Variants in PCDH10 observed in about 807,000 individuals in gnomAD.
The protein encoded by PCDH10 is protocadherin-10.
In PCDH10, 15 loss-of-function variants were observed where a neutral mutation model predicts 74.4. That is an observed-to-expected ratio of 0.20 (90% CI 0.13 to 0.31). The LOEUF is 0.31. PCDH10 is among the 10% of genes least tolerant of loss of function. The pLI, the probability that PCDH10 is intolerant of heterozygous loss-of-function variation, is 1.00. For synonymous variants in PCDH10, 619 were observed against 589.8 expected (o/e 1.05, Z -0.72); for missense variants, 1,260 against 1,390.2 (o/e 0.91, Z 1.49).
chr4:133,167,456 A>G (rs1302083310), intron 4 of PCDH10, among the ~76,000 whole-genome samples: 1 of 151,490 alleles, frequency 6.6e-6, no homozygotes, highest in Non-Finnish European at 1.5e-5. Flanking sequence ...ACCTCTGTAT[A>G]GTGTTTTCTC....
rs529779983 is a variant in PCDH10 at position 133,164,058 on chromosome 4, A to G, written c.3103+776A>G. 5.2e-4 allele frequency: 236 copies of G among 454,926 alleles called. 7 individuals are homozygous for G. Among genetic ancestry groups the G allele is most frequent in the South Asian group, 3.1e-3 (201 of 64,118 alleles). The allele number at this position is 454,926 out of a possible 1,614,324, so 28.2% of individuals were successfully genotyped here. ...AGATGCATACATTGTAGTGACAACA[A>G]TAGGTGGTGTTTTATGAAGGATTGT... On this transcript the variant is annotated intron_variant, in intron 4 of 4. Transcript: ENST00000264360.
At chr4:133,174,232 A>G (rs914906552) in intron 4 of PCDH10, among the ~76,000 whole-genome samples, 4 of 151,978 alleles carry the variant, frequency 2.6e-5, no homozygotes, top group Non-Finnish European at 4.4e-5. Context: ...CAGAAGTAAT[A>G]CATGCTTTCT....
rs1210662196 is a variant in PCDH10, at chr4:133,190,973, C to T, written c.*813C>T. ...TAAAAGAAAATGATGCTCTAAGCTA[C>T]AAAATTTTGTCAAAAACTCATATTG... On this transcript the variant is annotated 3_prime_UTR_variant, in exon 5 of 5. Transcript: ENST00000264360. 2.0e-5 allele frequency: 3 copies of T among 152,174 alleles called. No individual in the cohort carries two copies. Among genetic ancestry groups the T allele is most frequent in the African/African-American group, 7.2e-5 (3 of 41,388 alleles). 9.4% of individuals were successfully genotyped at this position (152,174 alleles called of 1,614,324 possible). A position where few individuals can be genotyped will look rare whatever the true frequency, so the allele number is the denominator to read the frequency against.
At position 133,150,287 on chromosome 4, in the gene PCDH10, G is replaced by A. The variant is rs1224346273; in HGVS notation, c.147G>A (p.Ser49=). ...EDLGLDITKL[S]ARGFQTVPNS... Reference sequence around the variant, plus strand: ...TGGGTCTGGACATTACAAAACTTTCGGCTCGCGGGTTTCAGACGGTGCCCA... The same window carrying A: ...TGGGTCTGGACATTACAAAACTTTCAGCTCGCGGGTTTCAGACGGTGCCCA... The change falls in exon 1 of 5, where the codon TCG becomes TCA. Residue 49 remains serine, a synonymous_variant. Coordinates refer to ENST00000264360, the MANE Select transcript of PCDH10 (RefSeq NM_032961.3). 6.2e-7 allele frequency: 1 copy of A among 1,613,866 alleles called. No individual in the cohort carries two copies. Among genetic ancestry groups the A allele is most frequent in the African/African-American group, 1.3e-5 (1 of 74,936 alleles).
downstream of PCDH10, among the ~76,000 whole-genome samples, chr4:133,197,379 T>C (rs993320483): frequency 1.3e-5 from 2 of 152,182 alleles, no homozygotes; most frequent in African/African-American, 4.8e-5. Context: ...GTTGCTCTAA[T>C]AGTAGACTTC....
At chr4:133,168,582 T>G (rs1727135588) in intron 4 of PCDH10, among the ~76,000 whole-genome samples, 1 of 151,610 alleles carries the variant, frequency 6.6e-6, no homozygotes, top group Non-Finnish European at 1.5e-5. Context: ...ACTTACACAA[T>G]TATAAGTACT....
intron 2 of PCDH10, among the ~76,000 whole-genome samples, chr4:133,202,652 T>G (rs1186626929): frequency 6.6e-6 from 1 of 152,090 alleles, no homozygotes; most frequent in Admixed American, 6.6e-5. Flanking sequence ...TTCATGAAAA[T>G]GTACAGAAGA....
downstream of PCDH10, among the ~76,000 whole-genome samples, chr4:133,197,364 TA>T (rs1727816788): frequency 6.6e-6 from 1 of 152,200 alleles, no homozygotes; most frequent in South Asian, 2.1e-4. Flanking sequence ...AATTGAATTT[TA>T]AAAGTTGCTC....
chr4:133,185,968 C>A (rs919859916), intron 4 of PCDH10, among the ~76,000 whole-genome samples: 1 of 151,940 alleles, frequency 6.6e-6, no homozygotes, highest in African/African-American at 2.4e-5. Context: ...CAGTACTGAC[C>A]ACTTTACAAT....
chr4:133,164,208 T>G (rs2125863655), intron 4 of PCDH10, among the ~76,000 whole-genome samples: 1 of 152,148 alleles, frequency 6.6e-6, no homozygotes. Context: ...AGAGAACAAA[T>G]ACTTAAAGAC....
Position 133,192,679 on chromosome 4 carries a change from C to A in PCDH10, c.*2519C>A, listed in dbSNP as rs1471063673. 4 of 151,356 alleles carry A rather than the reference C, an allele frequency of 2.6e-5. No individual in the cohort carries two copies. The allele number at this position is 151,356 out of a possible 1,614,324, so 9.4% of individuals were successfully genotyped here. ...CAGAACTTCTTCCTAATTTGCGGGA[C>A]AAATAGAATTGTTTAAGGATAAAAT... On this transcript the variant is annotated 3_prime_UTR_variant, in exon 5 of 5. Transcript: ENST00000264360.
intron 4 of PCDH10, among the ~76,000 whole-genome samples, chr4:133,181,643 G>C (rs1727420577): frequency 1.3e-5 from 2 of 151,770 alleles, no homozygotes; most frequent in Non-Finnish European, 2.9e-5. Context: ...GTGCTTTAGT[G>C]CAGGGTTGTT....
chr4:133,151,915 G>A lies in PCDH10; in HGVS notation c.1775G>A (p.Arg592His). The change falls in exon 1 of 5, where the codon CGC becomes CAC. Residue 592 changes from arginine to histidine, a missense_variant. By Grantham distance (29) the Arg-to-His change is conservative. This residue lies in a region of PCDH10 where 587 missense variants were observed against 616.9 expected (regional missense o/e 0.95). Transcript: ENST00000264360. ...NGTPAREVLP[R>H]SAEPGYLLTR... is the part of the protein sequence containing the mutation. The stretch of plus-strand genomic sequence containing the variant: ...ACTCCAGCGCGTGAGGTGCTGCCCC[G>A]CTCGGCGGAGCCGGGTTACCTGCTC... 1.2e-6 allele frequency: 2 copies of A among 1,612,118 alleles called. No individual in the cohort carries two copies. Among genetic ancestry groups the A allele is most frequent in the Non-Finnish European group, 1.7e-6 (2 of 1,179,584 alleles).
At chr4:133,177,042 G>A (rs937382011) in intron 4 of PCDH10, among the ~76,000 whole-genome samples, 5 of 152,156 alleles carry the variant, frequency 3.3e-5, no homozygotes, top group Admixed American at 1.3e-4. Flanking sequence ...TTAGAGAATT[G>A]TATTGGCATA....
intron 4 of PCDH10, among the ~76,000 whole-genome samples, chr4:133,174,942 T>C (rs188365141): frequency 6.6e-4 from 100 of 151,654 alleles, no homozygotes; most frequent in African/African-American, 2.3e-3. Flanking sequence ...ACAGTTAAAA[T>C]TGAGCTTGAA....
chr4:133,174,138 A>T (rs905592934), intron 4 of PCDH10, among the ~76,000 whole-genome samples: 1 of 151,978 alleles, frequency 6.6e-6, no homozygotes, highest in Non-Finnish European at 1.5e-5. Context: ...GGTGGCAGTT[A>T]GTATAGAACA....
rs1726618761 is a variant in PCDH10, at chr4:133,150,036, G to A, written c.-105G>A. On this transcript the variant is annotated 5_prime_UTR_variant, in exon 1 of 5. Transcript: ENST00000264360. ...AAAGCCACAGGAGCCCCCACGTAGC[G>A]CACTTTTATTTGTATTTTTTCAGAT... is the stretch of plus-strand genomic sequence containing the variant. 3.5e-6 allele frequency: 5 copies of A among 1,426,858 alleles called. No homozygotes were observed. The highest frequency in any genetic ancestry group is 2.6e-5 in the Admixed American group (1 of 38,240). The allele number at this position is 1,426,858 out of a possible 1,614,324, so 88.4% of individuals were successfully genotyped here.
intron 4 of PCDH10, among the ~76,000 whole-genome samples, chr4:133,189,875 T>G (rs2125873681): frequency 6.6e-6 from 1 of 152,226 alleles, no homozygotes; most frequent in South Asian, 2.1e-4. Context: ...TTTAAAAAGT[T>G]AATCTTCACA....
intron 4 of PCDH10, among the ~76,000 whole-genome samples, chr4:133,164,937 T>TTA (rs1328710826): frequency 1.3e-5 from 2 of 148,424 alleles, no homozygotes; most frequent in Admixed American, 6.8e-5. Flanking sequence ...TTTGCTCATT[T>TTA]TATATATATA....
Sources: gnomAD v4.1 joint callset for allele counts (sites outside exome capture counted in the v4.1 genomes callset) on GRCh38, gnomAD v4.1.1 for gene constraint, gnomAD v4.1.1 regional missense constraint, MANE v1.5 for transcripts, NCBI Gene and HGNC (gene_info 2026-07-23, HGNC 2026-07-21) for gene names.